Variants in SLC39A12 observed in about 807,000 individuals in gnomAD.
The protein encoded by SLC39A12 is zinc transporter ZIP12.
A neutral mutation model predicts 71.1 loss-of-function variants in SLC39A12; 63 were observed. That is an observed-to-expected ratio of 0.89 (90% CI 0.72 to 1.09). The LOEUF (loss-of-function observed/expected upper bound fraction) is 1.09, where lower values mean the gene tolerates loss of function less well. SLC39A12 is among the 50% of genes least tolerant of loss of function. The probability of loss-of-function intolerance (pLI) is 0.00; values close to 1 mark genes in which losing one functional copy is unlikely to be tolerated. For missense variants in SLC39A12, 892 were observed against 812.6 expected, an observed-to-expected ratio of 1.10 and a Z score of -1.19; for synonymous variants, 351 against 301.3, an observed-to-expected ratio of 1.16 and a Z score of -1.71.
At chr10:18,021,908 T>A (rs949391306) in intron 12 of SLC39A12, among the ~76,000 whole-genome samples, 4 of 152,230 alleles carry the variant, frequency 2.6e-5, no homozygotes, top group Non-Finnish European at 5.9e-5. Context: ...AAATTCTTGG[T>A]TGAAATTTGT....
rs777517412 is a variant in SLC39A12, at chr10:17,987,462, G to T, written c.1097-17G>T. On this transcript the variant is annotated splice_polypyrimidine_tract_variant and intron_variant, in intron 6 of 12. Coordinates refer to ENST00000377369, the MANE Select transcript of SLC39A12 (RefSeq NM_001145195.2). ...GGCACTGGGCACTGACTGTGTTTACGATCTCCTTTGACTTAGAATACGGCT... is the reference window on the plus strand; with the variant it reads ...GGCACTGGGCACTGACTGTGTTTACTATCTCCTTTGACTTAGAATACGGCT... The T allele has an allele frequency of 6.2e-7, 1 of 1,612,432 alleles. No individual in the cohort carries two copies.
At chr10:17,984,717 C>T (rs1034716296) in intron 6 of SLC39A12, among the ~76,000 whole-genome samples, 1 of 152,146 alleles carries the variant, frequency 6.6e-6, no homozygotes, top group African/African-American at 2.4e-5. Flanking sequence ...AAATACAGTT[C>T]GCCATCTTAA....
intron 4 of SLC39A12, among the ~76,000 whole-genome samples, chr10:17,967,917 ATT>A (rs1305675583): frequency 2.8e-5 from 4 of 144,240 alleles, no homozygotes; most frequent in Admixed American, 6.9e-5. Context: ...ATATATATAT[ATT>A]TATTTATTTA....
In SLC39A12 at chr10:17,993,172, C is replaced by G. The variant is rs763492917; in HGVS notation, c.1423-9C>G. ...GCTTCAACACTAATTTTAAACCATC[C>G]TCATCCAGCAGGGCCTGTCATTGGT... On this transcript the variant is annotated splice_polypyrimidine_tract_variant and intron_variant, in intron 8 of 12. Coordinates refer to ENST00000377369, the MANE Select transcript of SLC39A12 (RefSeq NM_001145195.2). 6 of 1,543,134 alleles carry G rather than the reference C, an allele frequency of 3.9e-6. No homozygotes were observed. In the South Asian group the frequency reaches 4.8e-5, roughly 12 times the overall value.
chr10:18,006,007 T>C (rs1057352688), intron 12 of SLC39A12, among the ~76,000 whole-genome samples: 2 of 152,042 alleles, frequency 1.3e-5, no homozygotes, highest in African/African-American at 4.8e-5. Flanking sequence ...CCAAAGAAAA[T>C]AGTCGGTCAT....
chr10:17,994,192 T>A (rs1258477864), intron 9 of SLC39A12, among the ~76,000 whole-genome samples: 1 of 152,166 alleles, frequency 6.6e-6, no homozygotes, highest in African/African-American at 2.4e-5. Flanking sequence ...AATACTGACC[T>A]TATTCCTTCT....
intron 4 of SLC39A12, among the ~76,000 whole-genome samples, chr10:17,973,851 T>C (rs933410652): frequency 6.6e-6 from 1 of 151,960 alleles, no homozygotes; most frequent in Non-Finnish European, 1.5e-5. Context: ...CCATCTCCTC[T>C]TTGAGGCCAA....
chr10:17,970,040 A>T (rs1162582946), intron 4 of SLC39A12, among the ~76,000 whole-genome samples: 2 of 152,194 alleles, frequency 1.3e-5, no homozygotes, highest in African/African-American at 4.8e-5. Flanking sequence ...TTTATTGAAG[A>T]GACTGTCTTT....
At chr10:17,972,442 T>A (rs1834999213) in intron 4 of SLC39A12, among the ~76,000 whole-genome samples, 1 of 152,196 alleles carries the variant, frequency 6.6e-6, no homozygotes, top group African/African-American at 2.4e-5. Flanking sequence ...TGTTGAAGTC[T>A]CCAGCTGTTA....
At chr10:17,979,737 G>A (rs1389681752) in intron 5 of SLC39A12, among the ~76,000 whole-genome samples, 2 of 152,180 alleles carry the variant, frequency 1.3e-5, no homozygotes, top group Non-Finnish European at 2.9e-5. Context: ...CAGGAGTGAG[G>A]TTGGCACCCA....
chr10:17,965,332 C>T, intron 3 of SLC39A12, 151 bp from the exon 4 acceptor site: 1 of 669,412 alleles, frequency 1.5e-6, no homozygotes, highest in Non-Finnish European at 2.5e-6. Context: ...GTATCTGAGA[C>T]AGGAGAAAGA....
Position 17,983,903 on chromosome 10 carries a change from T to C in SLC39A12, c.1096+2420T>C, listed in dbSNP as rs565401012. On this transcript the variant is annotated intron_variant, in intron 6 of 12. Coordinates refer to ENST00000377369, the MANE Select transcript of SLC39A12 (RefSeq NM_001145195.2). ...CTTTGGAAATTATAGAAATATATGA[T>C]ATTATATTGAAGGGAGGAAGACTCG... 2.0e-5 allele frequency among the ~76,000 whole-genome samples: 3 copies of C among 152,288 alleles called. No individual in the cohort carries two copies. The South Asian group carries it at 6.2e-4, about 32-fold the overall frequency.
chr10:17,979,282 C>T (rs2497830), intron 5 of SLC39A12, among the ~76,000 whole-genome samples: 1 of 151,972 alleles, frequency 6.6e-6, no homozygotes, highest in Admixed American at 6.6e-5. Context: ...TACTTAATGA[C>T]CTAAATGGCA....
chr10:17,996,423 T>C (rs779597519), intron 10 of SLC39A12, among the ~76,000 whole-genome samples: 109 of 152,200 alleles, frequency 7.2e-4, no homozygotes, highest in Non-Finnish European at 7.9e-4. Flanking sequence ...TTTTACACTT[T>C]TGTGACACAA....
At chr10:17,980,406 C>T (rs1339849594) in intron 5 of SLC39A12, among the ~76,000 whole-genome samples, 1 of 152,000 alleles carries the variant, frequency 6.6e-6, no homozygotes, top group African/African-American at 2.4e-5. Flanking sequence ...AAAACAATAC[C>T]TTACTGATCG....
chr10:17,987,832 G>A (rs2437271), intron 7 of SLC39A12, among the ~76,000 whole-genome samples, 181 bp downstream of exon 7: 2 of 151,988 alleles, frequency 1.3e-5, no homozygotes, highest in African/African-American at 2.4e-5. Flanking sequence ...GAGAAGAGAT[G>A]CCCCAACATT....
intron 6 of SLC39A12, among the ~76,000 whole-genome samples, chr10:17,984,535 T>C (rs901492763): frequency 3.3e-5 from 5 of 152,226 alleles, no homozygotes; most frequent in African/African-American, 1.2e-4. Flanking sequence ...CAAATATCTT[T>C]AATTTATGTA....
In SLC39A12 at chr10:18,026,696, T is replaced by C. The variant is rs80281410; in HGVS notation, c.1948-16009T>C. 1.1e-3 allele frequency among the ~76,000 whole-genome samples: 166 copies of C among 152,176 alleles called. 1 individual carries two copies. The highest frequency in any genetic ancestry group is 3.9e-3 in the African/African-American group (163 of 41,582). ...TCCCATAGTTCTTGGATATTCTCTT[T>C]AGAGTTTTCTTTTTTCAGTCCTTTT... On this transcript the variant is annotated intron_variant, in intron 12 of 12. Coordinates refer to ENST00000377369, the MANE Select transcript of SLC39A12 (RefSeq NM_001145195.2).
At chr10:18,004,565 G>C (rs1835954534) in intron 12 of SLC39A12, among the ~76,000 whole-genome samples, 4 of 152,172 alleles carry the variant, frequency 2.6e-5, no homozygotes, top group Admixed American at 2.6e-4. Flanking sequence ...TAAGGCTCCT[G>C]AGTTTCCGGA....
Sources: allele counts gnomAD v4.1 joint callset (sites outside exome capture counted in the v4.1 genomes callset), GRCh38; gene constraint gnomAD v4.1.1; transcripts MANE v1.5; gene names NCBI Gene and HGNC (gene_info 2026-07-23, HGNC 2026-07-21).